Variants in C8orf34 observed in about 807,000 individuals in gnomAD.
C8orf34 encodes uncharacterized protein C8orf34.
In C8orf34, 65 loss-of-function variants were observed where a neutral mutation model predicts 68.3. The observed-to-expected ratio is 0.95, with a 90% CI of 0.78 to 1.17. The LOEUF (loss-of-function observed/expected upper bound fraction) is 1.17, where lower values mean the gene tolerates loss of function less well. Among genes scored for constraint, C8orf34 ranks in the 50% most tolerant of loss-of-function variants. C8orf34 has a pLI of 0.00. For synonymous variants in C8orf34, 244 were observed against 241.2 expected (o/e 1.01, Z -0.11); for missense variants, 664 against 655.4 (o/e 1.01, Z -0.14).
chr8:68,438,269 G>A (rs1228683450), intron 1 of C8orf34: 1 of 152,130 alleles, frequency 6.6e-6, no homozygotes, highest in Non-Finnish European at 1.5e-5. Flanking sequence ...TAACAAACTG[G>A]TGAGCAAATG....
At chr8:68,383,671 C>T (rs1262448384) in intron 1 of C8orf34, among the ~76,000 whole-genome samples, 2 of 152,146 alleles carry the variant, frequency 1.3e-5, no homozygotes, top group African/African-American at 2.4e-5. Flanking sequence ...ATAGTGCACC[C>T]TTCTGGAAAA....
intron 7 of C8orf34, among the ~76,000 whole-genome samples, chr8:68,608,612 G>A (rs778971423): frequency 6.6e-6 from 1 of 151,548 alleles, no homozygotes; most frequent in Non-Finnish European, 1.5e-5. Context: ...AATCAGGCAG[G>A]GTATGAAACA....
At chr8:68,677,595 G>C (rs1164167731) in intron 8 of C8orf34, among the ~76,000 whole-genome samples, 1 of 124,954 alleles carries the variant, frequency 8.0e-6, no homozygotes, top group Non-Finnish European at 1.7e-5. Context: ...GGGCTCAAGA[G>C]ATCCACCTGC....
intron 7 of C8orf34, among the ~76,000 whole-genome samples, chr8:68,598,281 C>T (rs1817602757): frequency 6.6e-6 from 1 of 152,132 alleles, no homozygotes; most frequent in East Asian, 1.9e-4. Flanking sequence ...ATACATTACC[C>T]TATTCATATC....
intron 10 of C8orf34, among the ~76,000 whole-genome samples, chr8:68,729,377 A>G (rs1821919126): frequency 6.6e-6 from 1 of 152,192 alleles, no homozygotes; most frequent in Admixed American, 6.5e-5. Flanking sequence ...TTGCCTGCTA[A>G]GACTTAAAGA....
chr8:68,407,705 C>T (rs532879391), intron 1 of C8orf34, among the ~76,000 whole-genome samples: 9 of 152,142 alleles, frequency 5.9e-5, no homozygotes, highest in South Asian at 2.1e-4. Flanking sequence ...AAATGTTAGG[C>T]CTTTTGTATC....
chr8:68,507,576 C>T (rs1410753040), intron 5 of C8orf34, among the ~76,000 whole-genome samples: 1 of 152,146 alleles, frequency 6.6e-6, no homozygotes. Flanking sequence ...ATTTATTGTT[C>T]TCCGCAGCTC....
intron 5 of C8orf34, among the ~76,000 whole-genome samples, chr8:68,489,617 C>T (rs183597075): frequency 2.0e-4 from 30 of 152,260 alleles, no homozygotes; most frequent in African/African-American, 6.7e-4. Flanking sequence ...ACTCATCACA[C>T]GAGGTCAAGT....
At chr8:68,522,996 C>G (rs532641865) in intron 6 of C8orf34, among the ~76,000 whole-genome samples, 1 of 152,106 alleles carries the variant, frequency 6.6e-6, no homozygotes. Flanking sequence ...GGGTTCTTTG[C>G]GGTGACTTAT....
At chr8:68,543,390 T>C (rs1036909678) in intron 7 of C8orf34, among the ~76,000 whole-genome samples, 1 of 152,136 alleles carries the variant, frequency 6.6e-6, no homozygotes, top group African/African-American at 2.4e-5. Flanking sequence ...AAATAAATAT[T>C]ACCTTGGAAT....
At chr8:68,666,603 A>C (rs1344520500) in intron 8 of C8orf34, among the ~76,000 whole-genome samples, 2 of 152,252 alleles carry the variant, frequency 1.3e-5, no homozygotes, top group Non-Finnish European at 2.9e-5. Context: ...ACACAACATA[A>C]GGAAGTGGCC....
At chr8:68,461,467 G>A (rs1441749678) in intron 3 of C8orf34, among the ~76,000 whole-genome samples, 1 of 152,120 alleles carries the variant, frequency 6.6e-6, no homozygotes, top group African/African-American at 2.4e-5. Context: ...CTCGAGAAGA[G>A]CAACTCCAAG....
At chr8:68,527,983 A>G (rs964788940) in intron 6 of C8orf34, among the ~76,000 whole-genome samples, 9 of 152,072 alleles carry the variant, frequency 5.9e-5, no homozygotes, top group Admixed American at 6.5e-5. Flanking sequence ...TCCTCCCTAA[A>G]ACAATCCCCA....
chr8:68,381,481 C>T (rs1808029082), intron 1 of C8orf34, among the ~76,000 whole-genome samples: 1 of 151,860 alleles, frequency 6.6e-6, no homozygotes, highest in South Asian at 2.1e-4. Context: ...GCCTGTAATC[C>T]CAGCACTTTG....
intron 8 of C8orf34, among the ~76,000 whole-genome samples, chr8:68,649,301 T>C (rs1481874049): frequency 6.6e-6 from 1 of 152,214 alleles, no homozygotes; most frequent in Non-Finnish European, 1.5e-5. Flanking sequence ...CTGTGTCAGA[T>C]ACTGTGATAT....
intron 5 of C8orf34, among the ~76,000 whole-genome samples, chr8:68,516,126 A>T (rs1814501821): frequency 7.4e-6 from 1 of 135,962 alleles, no homozygotes; most frequent in South Asian, 2.3e-4. Flanking sequence ...TATTTCATTT[A>T]AAAAAATGAC....
At chr8:68,744,443 G>A (rs1483386935) in intron 10 of C8orf34, among the ~76,000 whole-genome samples, 2 of 152,052 alleles carry the variant, frequency 1.3e-5, no homozygotes, top group Non-Finnish European at 2.9e-5. Flanking sequence ...TCTGAGCTAT[G>A]GGAGGACATT....
intron 8 of C8orf34, among the ~76,000 whole-genome samples, chr8:68,667,918 C>A (rs966194227): frequency 6.6e-6 from 1 of 152,090 alleles, no homozygotes; most frequent in African/African-American, 2.4e-5. Flanking sequence ...GAAACTGAAT[C>A]ATTTTCCAAC....
intron 12 of C8orf34, among the ~76,000 whole-genome samples, chr8:68,815,377 C>T (rs568754250): frequency 2.8e-4 from 42 of 152,092 alleles, no homozygotes; most frequent in Non-Finnish European, 1.5e-4. Flanking sequence ...CACATATACA[C>T]ATACACAGAC....
Sources: gnomAD v4.1 joint callset for allele counts (sites outside exome capture counted in the v4.1 genomes callset) on GRCh38, gnomAD v4.1.1 for gene constraint, MANE v1.5 for transcripts, NCBI Gene and HGNC (gene_info 2026-07-23, HGNC 2026-07-21) for gene names.